Variants in MVB12A observed in about 807,000 individuals in gnomAD.
MVB12A encodes the protein CIN85/CD2AP family binding protein.
MVB12A carries 30 observed loss-of-function variants against 34.3 expected under a neutral mutation model. The ratio of observed to expected loss-of-function variants is 0.88; its 90% CI spans 0.65 to 1.19. The LOEUF (loss-of-function observed/expected upper bound fraction) is 1.19. Ranked by LOEUF, MVB12A falls within the 50% of genes most tolerant of loss-of-function variation. The pLI is 0.00. For missense variants in MVB12A, 355 were observed against 369.2 expected, an observed-to-expected ratio of 0.96 and a Z score of 0.31; for synonymous variants, 158 against 158.9, an observed-to-expected ratio of 0.99 and a Z score of 0.04.
At chr19:17,423,663 G>A (rs753798039) in intron 5 of MVB12A, 30 bp from the exon 6 acceptor site, 4 of 1,613,244 alleles carry the variant, frequency 2.5e-6, no homozygotes, top group East Asian at 4.5e-5. Context: ...GTGGGAGGAT[G>A]AGGCTTAACC....
At position 17,425,281 on chromosome 19, in the gene MVB12A, C is replaced by G; in HGVS notation, c.*288C>G. ...CATTTGTGTCAAAACCCTCTGGGGT[C>G]CGGAGGCTGTGCGGGTGTCCTCCTG... is the stretch of plus-strand genomic sequence containing the variant. On this transcript the variant is annotated 3_prime_UTR_variant, in exon 9 of 9. Coordinates refer to ENST00000317040, the MANE Select transcript of MVB12A (RefSeq NM_138401.4). 2.3e-6 allele frequency: 1 copy of G among 431,968 alleles called. No individual in the cohort carries two copies. Among genetic ancestry groups the G allele is most frequent in the Non-Finnish European group, 4.1e-6 (1 of 242,906 alleles). 26.8% of individuals were successfully genotyped at this position (431,968 alleles called of 1,614,324 possible). A position where few individuals can be genotyped will look rare whatever the true frequency, so the allele number is the denominator to read the frequency against.
At chr19:17,409,441 C>CTTTT (rs781196057) in intron 2 of MVB12A, among the ~76,000 whole-genome samples, 13 of 78,206 alleles carry the variant, frequency 1.7e-4, no homozygotes, top group Non-Finnish European at 2.1e-4. Flanking sequence ...TCTGCCATTA[C>CTTTT]TTTTTTTTTT....
At chr19:17,413,078 T>C (rs956861143) in intron 2 of MVB12A, 1 of 152,066 alleles carries the variant, frequency 6.6e-6, no homozygotes, top group Non-Finnish European at 1.5e-5. Context: ...GAGGGCTTTT[T>C]TTTTTTTTCT....
intron 8 of MVB12A, 61 bp from the exon 9 acceptor site, chr19:17,424,870 T>C: frequency 4.6e-6 from 6 of 1,300,220 alleles, no homozygotes; most frequent in East Asian, 2.3e-5. Context: ...CCTCAGTCAC[T>C]CCCCCTTTGG....
chr19:17,409,037 C>A (rs922304699), intron 2 of MVB12A, among the ~76,000 whole-genome samples: 2 of 150,480 alleles, frequency 1.3e-5, no homozygotes, highest in African/African-American at 4.9e-5. Context: ...CCATGTTGGC[C>A]AGGCTGGTCT....
chr19:17,424,166 T>C, intron 7 of MVB12A, 99 bp downstream of exon 7: 3 of 1,229,718 alleles, frequency 2.4e-6, no homozygotes, highest in Non-Finnish European at 3.6e-6. Context: ...GAGGGCCACA[T>C]CCTGGGTTGG....
Position 17,424,952 on chromosome 19 carries a change from G to GAGA in MVB12A, c.785_787dup (p.Lys262dup), listed in dbSNP as rs755785590. The stretch of plus-strand genomic sequence containing the variant: ...CCAGTATAACTACGGCTTCGTGGTG[G>GAGA]AGAAGACCGCGGCTGCCCGCCTGCC... On this transcript the variant is annotated inframe_insertion, in exon 9 of 9. Coordinates refer to ENST00000317040, the MANE Select transcript of MVB12A (RefSeq NM_138401.4). 1 of 1,610,740 alleles carries GAGA rather than the reference G, an allele frequency of 6.2e-7. No homozygotes were observed. Among genetic ancestry groups the GAGA allele is most frequent in the South Asian group, 1.1e-5 (1 of 90,738 alleles).
In MVB12A at chr19:17,423,516, C is replaced by A. The variant is rs761127031; in HGVS notation, c.432C>A (p.Ala144=). The change falls in exon 5 of 9, where the codon GCC becomes GCA. Residue 144 remains alanine (A), a synonymous_variant. Transcript: ENST00000317040. ...YLRIGDMGGF[A]IWCKKAKAPR... is the part of the protein sequence containing the mutation. The stretch of plus-strand genomic sequence containing the variant: ...GGTCCAGGGACATGGGCGGCTTTGC[C>A]ATCTGGTGCAAGAAGGCCAAGGCCC... 1.2e-6 allele frequency: 2 copies of A among 1,613,188 alleles called. No homozygotes were observed. The highest frequency in any genetic ancestry group is 1.7e-6 in the Non-Finnish European group (2 of 1,179,998).
chr19:17,408,357 A>G (rs1028350874), intron 2 of MVB12A, among the ~76,000 whole-genome samples: 2 of 151,424 alleles, frequency 1.3e-5, no homozygotes, highest in Non-Finnish European at 2.9e-5. Flanking sequence ...CCTGGTCAAC[A>G]TAGAGAGATC....
At chr19:17,413,837 G>C (rs540039036) in intron 2 of MVB12A, among the ~76,000 whole-genome samples, 1 of 152,186 alleles carries the variant, frequency 6.6e-6, no homozygotes, top group East Asian at 1.9e-4. Context: ...TTAGCACTTT[G>C]TACATTACAG....
chr19:17,418,192 G>T (rs2074813557), upstream of MVB12A: 2 of 155,218 alleles, frequency 1.3e-5, no homozygotes, highest in Non-Finnish European at 1.4e-5. Context: ...ACTGTGCCAG[G>T]CCGGTTTTTC....
chr19:17,419,970 A>C, upstream of MVB12A: 13 of 411,844 alleles, frequency 3.2e-5, no homozygotes, highest in Middle Eastern at 6.3e-4. Context: ...GCCATTGGCC[A>C]GCAGCTCCTC....
intron 5 of MVB12A, 29 bp downstream of exon 5, chr19:17,423,646 G>A: frequency 6.2e-7 from 1 of 1,613,398 alleles, no homozygotes; most frequent in Non-Finnish European, 8.5e-7. Context: ...GAGTGGGGGT[G>A]GCCGTTGTGG....
chr19:17,420,015 G>A (rs1438425390), upstream of MVB12A: 1 of 221,218 alleles, frequency 4.5e-6, no homozygotes, highest in Non-Finnish European at 7.2e-6. Context: ...GGCAATCTCC[G>A]CCCCCCCCCC....
rs773549481 is a variant in MVB12A at position 17,422,365 on chromosome 19, T to TGAAGCTGTTGCCCCTGG, written c.323_339dup (p.Ala114SerfsTer17). The TGAAGCTGTTGCCCCTGG allele has an allele frequency of 6.2e-7, 1 of 1,613,488 alleles. No individual in the cohort carries two copies. Among genetic ancestry groups the TGAAGCTGTTGCCCCTGG allele is most frequent in the South Asian group, 1.1e-5 (1 of 91,000 alleles). On this transcript the variant is annotated frameshift_variant, in exon 4 of 9. Transcript: ENST00000317040. LOFTEE classifies it high-confidence loss of function. The stretch of plus-strand genomic sequence containing the variant: ...GTGTCCAAGAAGAAACGCATGTGTG[T>TGAAGCTGTTGCCCCTGG]GAAGCTGTTGCCCCTGGGAGCCACG...
At chr19:17,410,027 G>A (rs905607573) in intron 2 of MVB12A, among the ~76,000 whole-genome samples, 3 of 151,934 alleles carry the variant, frequency 2.0e-5, no homozygotes, top group Non-Finnish European at 4.4e-5. Flanking sequence ...AAAGTACTGC[G>A]ATTACAGCCA....
intron 2 of MVB12A, among the ~76,000 whole-genome samples, chr19:17,413,728 C>T (rs186959773): frequency 5.9e-5 from 9 of 152,316 alleles, no homozygotes; most frequent in Middle Eastern, 3.4e-3. Context: ...CAAACCAATA[C>T]AAACAACAAC....
At chr19:17,407,553 G>C (rs1263017515) in intron 2 of MVB12A, among the ~76,000 whole-genome samples, 2 of 152,154 alleles carry the variant, frequency 1.3e-5, no homozygotes, top group African/African-American at 2.4e-5. Context: ...AGAGAGAGGG[G>C]ACAGACAGAA....
At chr19:17,410,927 C>CAAA (rs777154734) in intron 2 of MVB12A, among the ~76,000 whole-genome samples, 4 of 86,492 alleles carry the variant, frequency 4.6e-5, no homozygotes, top group African/African-American at 1.0e-4. Flanking sequence ...GACTCTGTCT[C>CAAA]AAAAAAAAAA....
Sources: gnomAD v4.1 joint callset for allele counts (sites outside exome capture counted in the v4.1 genomes callset) on GRCh38, gnomAD v4.1.1 for gene constraint, MANE v1.5 for transcripts, NCBI Gene and HGNC (gene_info 2026-07-23, HGNC 2026-07-21) for gene names.